DNM3: variants seen among roughly 807,000 people sequenced by gnomAD.
DNM3 encodes the protein dynamin 3, also known as dynamin-3.
DNM3 carries 47 observed loss-of-function variants against 101.6 expected under a neutral mutation model. The observed-to-expected ratio is 0.46, with a 90% CI of 0.37 to 0.59. DNM3 has a LOEUF of 0.59. DNM3 is among the 20% of genes least tolerant of loss of function. DNM3 has a pLI of 0.00. For synonymous variants in DNM3, 385 were observed against 387.9 expected (o/e 0.99, Z 0.09); for missense variants, 849 against 1,085.7 (o/e 0.78, Z 3.06).
At chr1:172,225,285 C>T (rs1228344606) in intron 14 of DNM3, among the ~76,000 whole-genome samples, 1 of 151,566 alleles carries the variant, frequency 6.6e-6, no homozygotes, top group East Asian at 1.9e-4. Flanking sequence ...ATTACAGGCG[C>T]ACCACCACGC....
chr1:172,413,355 G>T (rs1415982217), downstream of DNM3, among the ~76,000 whole-genome samples: 1 of 152,000 alleles, frequency 6.6e-6, no homozygotes, highest in Admixed American at 6.6e-5. Flanking sequence ...GCCTCCTGAG[G>T]AACTGGGACT....
intron 15 of DNM3, among the ~76,000 whole-genome samples, chr1:172,269,352 C>T (rs1408802898): frequency 6.6e-6 from 1 of 152,228 alleles, no homozygotes; most frequent in Non-Finnish European, 1.5e-5. Context: ...CAGACAAACA[C>T]TGCAGCTTGG....
chr1:171,850,668 T>C (rs1430124232), intron 1 of DNM3, among the ~76,000 whole-genome samples: 2 of 152,228 alleles, frequency 1.3e-5, no homozygotes, highest in African/African-American at 4.8e-5. Flanking sequence ...AACTTTAGCC[T>C]GTTTATTTAA....
chr1:172,407,884 G>A lies in DNM3; in HGVS notation c.*43G>A, dbSNP rs12408776. On this transcript the variant is annotated 3_prime_UTR_variant, in exon 21 of 21. Coordinates refer to ENST00000627582, the MANE Select transcript of DNM3 (RefSeq NM_015569.5). ...GCAATTAATCACTAATGAATTATGC[G>A]AAAGCAACATATTTGATAACCGTTG... 8.3e-3 allele frequency: 13,348 copies of A among 1,612,202 alleles called. 250 individuals carry two copies. The highest frequency in any genetic ancestry group is 0.051 in the East Asian group (2,304 of 44,846).
rs376957842 is a variant in DNM3, at chr1:172,338,207, A to T, written c.1893+14867A>T. Among the ~76,000 whole-genome samples the T allele has an allele frequency of 7.2e-5, 11 of 152,012 alleles. No individual in the cohort carries two copies. The East Asian group carries it at 1.2e-3, about 16-fold the overall frequency. The stretch of plus-strand genomic sequence containing the variant: ...TGGGATTACAGGCGTGAGCCACTGC[A>T]CCCCGCCTGGGAGTATTCATTTTAA... On this transcript the variant is annotated intron_variant, in intron 17 of 20. Transcript: ENST00000627582.
intron 1 of DNM3, among the ~76,000 whole-genome samples, chr1:171,849,295 C>T (rs745356301): frequency 7.2e-5 from 11 of 152,166 alleles, no homozygotes; most frequent in South Asian, 2.1e-4. Flanking sequence ...CTCCTCATTA[C>T]GGAATCTAGC....
chr1:171,848,749 A>G (rs1325434427), intron 1 of DNM3, among the ~76,000 whole-genome samples: 1 of 152,206 alleles, frequency 6.6e-6, no homozygotes, highest in Non-Finnish European at 1.5e-5. Flanking sequence ...GAGGTCCATT[A>G]ATGTTATAGA....
intron 1 of DNM3, among the ~76,000 whole-genome samples, chr1:171,856,745 A>C (rs911707871): frequency 6.6e-6 from 1 of 152,186 alleles, no homozygotes; most frequent in African/African-American, 2.4e-5. Context: ...ACCTTGATGA[A>C]GTTGTTTATC....
intron 13 of DNM3, among the ~76,000 whole-genome samples, chr1:172,125,043 G>A (rs184070223): frequency 3.5e-4 from 54 of 152,236 alleles, no homozygotes; most frequent in African/African-American, 1.1e-3. Context: ...CATTGCCTTC[G>A]AGGAGCCCAT....
intron 14 of DNM3, among the ~76,000 whole-genome samples, chr1:172,153,516 A>G (rs2148244209): frequency 6.6e-6 from 1 of 152,206 alleles, no homozygotes; most frequent in African/African-American, 2.4e-5. Flanking sequence ...CAGGCTTATT[A>G]GTTTTTGCCC....
intron 2 of DNM3, among the ~76,000 whole-genome samples, chr1:171,934,692 C>T (rs543769382): frequency 6.6e-6 from 1 of 152,028 alleles, no homozygotes; most frequent in Non-Finnish European, 1.5e-5. Flanking sequence ...CACCTGGGTC[C>T]GGAGGTGTGG....
At chr1:172,218,791 T>A (rs2060797685) in intron 14 of DNM3, among the ~76,000 whole-genome samples, 1 of 152,014 alleles carries the variant, frequency 6.6e-6, no homozygotes, top group Non-Finnish European at 1.5e-5. Flanking sequence ...TCTAAAGTGG[T>A]TAAGTTGAGA....
chr1:172,131,369 T>A, intron 14 of DNM3, 81 bp downstream of exon 14: 1 of 1,199,842 alleles, frequency 8.3e-7, no homozygotes, highest in Non-Finnish European at 1.2e-6. Flanking sequence ...ACTATGCAAT[T>A]TTGAGACACC....
At chr1:172,308,869 T>C (rs762196542) in intron 16 of DNM3, 30 bp downstream of exon 16, 4 of 1,341,174 alleles carry the variant, frequency 3.0e-6, no homozygotes, top group Non-Finnish European at 4.2e-6. Flanking sequence ...TATGTAAAAA[T>C]TATTATTAGC....
At chr1:171,919,461 C>G (rs1269527417) in intron 1 of DNM3, among the ~76,000 whole-genome samples, 1 of 151,924 alleles carries the variant, frequency 6.6e-6, no homozygotes, top group East Asian at 1.9e-4. Flanking sequence ...CCAGCTTTAT[C>G]CATGTCCCTG....
chr1:172,006,264 G>C (rs2046681827), intron 4 of DNM3, among the ~76,000 whole-genome samples: 1 of 152,032 alleles, frequency 6.6e-6, no homozygotes, highest in African/African-American at 2.4e-5. Context: ...GCTCTTGTCT[G>C]TTGTCTATTA....
At chr1:171,983,571 C>T (rs1195917437) in intron 2 of DNM3, among the ~76,000 whole-genome samples, 1 of 152,084 alleles carries the variant, frequency 6.6e-6, no homozygotes, top group Non-Finnish European at 1.5e-5. Flanking sequence ...GACCTCTAAA[C>T]TTTGGAAAAC....
At chr1:171,843,726 T>C (rs1443748778) in intron 1 of DNM3, among the ~76,000 whole-genome samples, 1 of 152,180 alleles carries the variant, frequency 6.6e-6, no homozygotes, top group African/African-American at 2.4e-5. Flanking sequence ...CTTCCTAATG[T>C]TATAATAAAA....
chr1:172,315,073 C>T (rs1236740921), intron 16 of DNM3, among the ~76,000 whole-genome samples: 4 of 152,002 alleles, frequency 2.6e-5, no homozygotes, highest in Admixed American at 2.0e-4. Context: ...CAGCAGCATT[C>T]GCGGTTCATG....
Sources: gnomAD v4.1 joint callset for allele counts (sites outside exome capture counted in the v4.1 genomes callset) on GRCh38, gnomAD v4.1.1 for gene constraint, MANE v1.5 for transcripts, NCBI Gene and HGNC (gene_info 2026-07-23, HGNC 2026-07-21) for gene names.